The following AFG2A variants were observed in gnomAD, a reference collection of about 807,000 sequenced individuals.
The protein encoded by AFG2A is ATPase family gene 2 protein homolog A.
the AFG2A span, among the ~76,000 whole-genome samples, chr4:123,189,809 C>T: frequency 1.2e-3 from 74 of 61,746 alleles, no homozygotes; most frequent in South Asian, 2.3e-3. Flanking sequence ...AGGTCATTTG[C>T]TTTTTTTTTT....
the AFG2A span, among the ~76,000 whole-genome samples, chr4:123,183,308 A>G: frequency 1.3e-5 from 2 of 152,224 alleles, no homozygotes; most frequent in African/African-American, 2.4e-5. Flanking sequence ...ATAATATAAC[A>G]TGTAAATGCT....
chr4:123,059,545 G>C, the AFG2A span, among the ~76,000 whole-genome samples: 1 of 150,448 alleles, frequency 6.6e-6, no homozygotes, highest in African/African-American at 2.4e-5. Flanking sequence ...TCTTAATCCT[G>C]TCTATCATTG....
the AFG2A span, chr4:123,313,854 C>T: frequency 6.6e-7 from 1 of 1,516,082 alleles, no homozygotes; most frequent in Non-Finnish European, 8.8e-7. Flanking sequence ...TTGTTTTCTA[C>T]CTCCTTTTAT....
the AFG2A span, among the ~76,000 whole-genome samples, chr4:123,243,454 G>A: frequency 6.6e-6 from 1 of 152,156 alleles, no homozygotes; most frequent in South Asian, 2.1e-4. Flanking sequence ...GTTGGGACAT[G>A]GATGAAGCTG....
At chr4:122,996,261 C>A in the AFG2A span, among the ~76,000 whole-genome samples, 1 of 152,124 alleles carries the variant, frequency 6.6e-6, no homozygotes, top group African/African-American at 2.4e-5. Flanking sequence ...TCATGCCTTC[C>A]ATACACATGG....
chr4:123,313,458 G>C, the AFG2A span, among the ~76,000 whole-genome samples: 7 of 152,308 alleles, frequency 4.6e-5, no homozygotes, highest in Admixed American at 3.3e-4. Context: ...GATGAGCAAG[G>C]CCTCACTCTG....
the AFG2A span, among the ~76,000 whole-genome samples, chr4:123,265,331 T>G: frequency 2.6e-5 from 4 of 152,228 alleles, no homozygotes; most frequent in South Asian, 8.3e-4. Flanking sequence ...AACTCTTTGT[T>G]GGGAAAATAA....
the AFG2A span, among the ~76,000 whole-genome samples, chr4:123,026,473 A>G: frequency 6.6e-6 from 1 of 152,292 alleles, no homozygotes; most frequent in African/African-American, 2.4e-5. Context: ...AAAATCTCAT[A>G]ATATTTTAAC....
chr4:122,929,152 T>C, the AFG2A span: 2 of 1,612,530 alleles, frequency 1.2e-6, no homozygotes, highest in Non-Finnish European at 1.7e-6. Flanking sequence ...GTCCAGCCTC[T>C]TGTGGGTGCT....
the AFG2A span, among the ~76,000 whole-genome samples, chr4:123,154,814 G>A: frequency 1.3e-5 from 2 of 152,144 alleles, no homozygotes; most frequent in African/African-American, 4.8e-5. Context: ...AATGTAACAC[G>A]TATTGTTAAA....
the AFG2A span, among the ~76,000 whole-genome samples, chr4:122,970,254 C>T: frequency 6.6e-6 from 1 of 152,092 alleles, no homozygotes; most frequent in Non-Finnish European, 1.5e-5. Context: ...TTTAGATACA[C>T]AAATACTTAC....
chr4:123,284,537 A>G, the AFG2A span, among the ~76,000 whole-genome samples: 45 of 152,338 alleles, frequency 3.0e-4, no homozygotes, highest in South Asian at 6.8e-3. Context: ...AGATGTCAGC[A>G]TGATTAGGGG....
chr4:123,051,255 T>C, the AFG2A span, among the ~76,000 whole-genome samples: 1 of 151,952 alleles, frequency 6.6e-6, no homozygotes, highest in Non-Finnish European at 1.5e-5. Context: ...TTATTTTTAG[T>C]GTATATATTA....
the AFG2A span, among the ~76,000 whole-genome samples, chr4:123,131,916 T>C: frequency 0.26 from 17,534 of 68,698 alleles, 1,125 homozygotes; most frequent in Non-Finnish European, 0.41. Flanking sequence ...CCACAGCAGC[T>C]GCACCATTTT....
the AFG2A span, chr4:122,934,606 A>G: frequency 2.5e-6 from 4 of 1,614,032 alleles, no homozygotes; most frequent in Admixed American, 1.7e-5. Context: ...AGAGATTGAT[A>G]AAAATTCAAA....
At chr4:123,133,978 CTTGATA>C in the AFG2A span, among the ~76,000 whole-genome samples, 1 of 152,188 alleles carries the variant, frequency 6.6e-6, no homozygotes, top group African/African-American at 2.4e-5. Flanking sequence ...TATGTGTTCT[CTTGATA>C]TTGAGTAGTT....
the AFG2A span, among the ~76,000 whole-genome samples, chr4:123,130,197 T>C: frequency 6.6e-6 from 1 of 151,982 alleles, no homozygotes; most frequent in African/African-American, 2.4e-5. Flanking sequence ...TTTTAATTTA[T>C]GTAGATATGA....
At chr4:123,218,302 T>C in the AFG2A span, among the ~76,000 whole-genome samples, 1 of 152,198 alleles carries the variant, frequency 6.6e-6, no homozygotes, top group Non-Finnish European at 1.5e-5. Context: ...AGACTTTTGC[T>C]TTATTAAGGT....
chr4:122,999,109 T>C, the AFG2A span, among the ~76,000 whole-genome samples: 1 of 143,126 alleles, frequency 7.0e-6, no homozygotes, highest in African/African-American at 2.6e-5. Flanking sequence ...ATAAATGTCT[T>C]CTTTTGAGAA....
Sources: allele counts gnomAD v4.1 joint callset (sites outside exome capture counted in the v4.1 genomes callset), GRCh38; gene constraint gnomAD v4.1.1; transcripts MANE v1.5; gene names NCBI Gene and HGNC (gene_info 2026-07-23, HGNC 2026-07-21).